The following ATF6B variants were observed in gnomAD, a reference collection of about 807,000 sequenced individuals.
The protein encoded by ATF6B is cyclic AMP-dependent transcription factor ATF-6 beta.
Under a neutral mutation model 83.5 loss-of-function variants are expected in ATF6B, and 50 were observed. That is an observed-to-expected ratio of 0.60 (90% CI 0.48 to 0.76). ATF6B has a LOEUF of 0.76. Ranked by LOEUF, ATF6B falls within the 30% of genes least tolerant of loss-of-function variation. The probability of loss-of-function intolerance (pLI) is 0.00; values close to 1 mark genes in which losing one functional copy is unlikely to be tolerated. For synonymous variants in ATF6B, 344 were observed against 362.8 expected, an observed-to-expected ratio of 0.95 and a Z score of 0.59; for missense variants, 790 against 893.8, an observed-to-expected ratio of 0.88 and a Z score of 1.48.
In ATF6B at chr6:32,115,837, G is replaced by C; in HGVS notation, c.2014C>G (p.Pro672Ala). 6.2e-7 allele frequency: 1 copy of C among 1,614,162 alleles called. No individual in the cohort carries two copies. Among genetic ancestry groups the C allele is most frequent in the Non-Finnish European group, 8.5e-7 (1 of 1,180,032 alleles). Residue 672 changes from proline (P) to alanine (A), a missense_variant, in exon 18 of 18, where the codon CCA becomes GCA. Physicochemically the swap from Pro to Ala is conservative, Grantham distance 27. Transcript: ENST00000375203. Reference sequence around the variant, plus strand: ...CCACCTGTGGCATTGCCTGGGGTTGGGGATGGCTGTTTTCGGAGCGAGGGG... The same window carrying C: ...CCACCTGTGGCATTGCCTGGGGTTGCGGATGGCTGTTTTCGGAGCGAGGGG... ...VPPSLRKQPS[P>A]TPGNATGGPL... is the part of the protein sequence containing the mutation.
At chr6:32,127,373 T>C (rs1782026816) in intron 3 of ATF6B, 69 bp downstream of exon 3, 1 of 1,524,838 alleles carries the variant, frequency 6.6e-7, no homozygotes, top group East Asian at 2.3e-5. Flanking sequence ...GGAAGCTACG[T>C]AGTTTCTGGG....
At chr6:32,126,675 A>G (rs867042460) in intron 4 of ATF6B, among the ~76,000 whole-genome samples, 10 of 152,124 alleles carry the variant, frequency 6.6e-5, no homozygotes, top group South Asian at 2.1e-4. Flanking sequence ...TCTGGGCAAC[A>G]TAGGAAGACC....
At position 32,120,860 on chromosome 6, in the gene ATF6B, G is replaced by T; in HGVS notation, c.743C>A (p.Pro248His). 6.4e-7 allele frequency: 1 copy of T among 1,567,882 alleles called. No homozygotes were observed. Among genetic ancestry groups the T allele is most frequent in the Non-Finnish European group, 8.6e-7 (1 of 1,157,806 alleles). ...PTRKPPLQPK[P>H]VVLTTVPMPS... is the part of the protein sequence containing the mutation. ...CATTGGGACAGTGGTTAGCACTACA[G>T]GTTTGGGCTGCAGTGGCGGCTTCCG... The change falls in exon 8 of 18, where the codon CCT becomes CAT. Residue 248 changes from proline (P) to histidine (H), a missense_variant. Pro to His is a moderately conservative substitution (Grantham distance 77). This residue lies in a region of ATF6B where 530 missense variants were observed against 632.6 expected (regional missense o/e 0.84). Coordinates refer to ENST00000375203, the MANE Select transcript of ATF6B (RefSeq NM_004381.5).
chr6:32,116,915 A>C lies in ATF6B; in HGVS notation c.1686-100T>G. 1 of 1,524,840 alleles carries C rather than the reference A, an allele frequency of 6.6e-7. No individual in the cohort carries two copies. Among genetic ancestry groups the C allele is most frequent in the East Asian group, 2.3e-5 (1 of 44,174 alleles). The allele number at this position is 1,524,840 out of a possible 1,614,324, so 94.5% of individuals were successfully genotyped here. A position where few individuals can be genotyped will look rare whatever the true frequency, so the allele number is the denominator to read the frequency against. On this transcript the variant is annotated intron_variant, in intron 15 of 17. Coordinates refer to ENST00000375203, the MANE Select transcript of ATF6B (RefSeq NM_004381.5). The surrounding 1 kb of genome is among the most constrained non-coding windows in gnomAD (Gnocchi z 5.1). The stretch of plus-strand genomic sequence containing the variant: ...TGAGAGAAAAAGACAGGAGACCCCC[A>C]GTGGAGGAGGGAGGTATAATCCCAC...
intron 5 of ATF6B, among the ~76,000 whole-genome samples, chr6:32,124,228 T>C (rs1367598643): frequency 6.6e-6 from 1 of 152,004 alleles, no homozygotes; most frequent in Non-Finnish European, 1.5e-5. Context: ...AATCAACATG[T>C]CCAACGCTGA....
Position 32,117,830 on chromosome 6 carries a change from G to T in ATF6B, c.1424+29C>A. The stretch of plus-strand genomic sequence containing the variant: ...AGAAGACCAACTCATACCCTCAAAC[G>T]AGAGGGGGCCCTCTCTCTCTCTCCT... On this transcript the variant is annotated intron_variant, in intron 12 of 17. Coordinates refer to ENST00000375203, the MANE Select transcript of ATF6B (RefSeq NM_004381.5). The surrounding 1 kb of genome is among the most constrained non-coding windows in gnomAD (Gnocchi z 5.0). 6.4e-7 allele frequency: 1 copy of T among 1,556,394 alleles called. No homozygotes were observed. Among genetic ancestry groups the T allele is most frequent in the Non-Finnish European group, 8.7e-7 (1 of 1,153,864 alleles).
At position 32,115,740 on chromosome 6, in the gene ATF6B, C is replaced by A. The variant is rs1781498246; in HGVS notation, c.2111G>T (p.Ter704LeuextTer8). 11 of 1,594,254 alleles carry A rather than the reference C, an allele frequency of 6.9e-6. No individual in the cohort carries two copies. Among genetic ancestry groups the A allele is most frequent in the Non-Finnish European group, 9.4e-6 (11 of 1,169,732 alleles). Residue 704 changes from the stop codon to leucine, a stop_lost, in exon 18 of 18, where the codon TGA (stop) becomes TTA (leucine). Transcript: ENST00000375203. ...CTAAGTCAGTGTGAATGGCAGAGGT[C>A]AGGGATGATTGAGGTAGAGGGGCTG... is the stretch of plus-strand genomic sequence containing the variant. ...SHQPLYLNHP[*>L] is the part of the protein sequence containing the mutation.
At position 32,117,806 on chromosome 6, in the gene ATF6B, G is replaced by A; in HGVS notation, c.1424+53C>T. Reference sequence around the variant, plus strand: ...GGGTCCCCCTCACTGAAAGCGGGGAGAAGACCAACTCATACCCTCAAACGA... The same window carrying A: ...GGGTCCCCCTCACTGAAAGCGGGGAAAAGACCAACTCATACCCTCAAACGA... On this transcript the variant is annotated intron_variant, in intron 12 of 17. Coordinates refer to ENST00000375203, the MANE Select transcript of ATF6B (RefSeq NM_004381.5). This position sits in a 1 kb window ranked among gnomAD's most constrained non-coding sequence, Gnocchi z 5.0. 1 of 1,566,132 alleles carries A rather than the reference G, an allele frequency of 6.4e-7. No individual in the cohort carries two copies. Among genetic ancestry groups the A allele is most frequent in the South Asian group, 1.2e-5 (1 of 84,622 alleles).
Position 32,121,134 on chromosome 6 carries a change from G to T in ATF6B, c.565-10C>A. The T allele has an allele frequency of 6.3e-7, 1 of 1,595,884 alleles. No homozygotes were observed. Among genetic ancestry groups the T allele is most frequent in the Non-Finnish European group, 8.5e-7 (1 of 1,170,596 alleles). ...CCTCTCCTATAAAAGCCTATGTGGG[G>T]CATTCCAGAGATACATTAGTCAGGA... On this transcript the variant is annotated splice_polypyrimidine_tract_variant and intron_variant, in intron 6 of 17. Coordinates refer to ENST00000375203, the MANE Select transcript of ATF6B (RefSeq NM_004381.5).
rs897601611 is a variant in ATF6B at position 32,127,269 on chromosome 6, G to A, written c.251-75C>T. 1.1e-4 allele frequency: 152 copies of A among 1,423,838 alleles called. 1 individual carries two copies. In the Middle Eastern group the frequency reaches 1.6e-3, roughly 15 times the overall value. The allele number at this position is 1,423,838 out of a possible 1,614,324, so 88.2% of individuals were successfully genotyped here. A position where few individuals can be genotyped will look rare whatever the true frequency, so the allele number is the denominator to read the frequency against. On this transcript the variant is annotated intron_variant, in intron 3 of 17. Transcript: ENST00000375203. Reference sequence around the variant, plus strand: ...TCCAAAAAGTACCCAAGGACATGTCGGTGGGGATTCCTGTACCGCAGCAAG... The same window carrying A: ...TCCAAAAAGTACCCAAGGACATGTCAGTGGGGATTCCTGTACCGCAGCAAG...
Position 32,117,452 on chromosome 6 carries a change from C to A in ATF6B, c.1533-48G>T. 1 of 1,607,230 alleles carries A rather than the reference C, an allele frequency of 6.2e-7. No homozygotes were observed. Among genetic ancestry groups the A allele is most frequent in the East Asian group, 2.2e-5 (1 of 44,762 alleles). ...GACCTCCATGCCAGGCCAAGATTCC[C>A]ACCCTCCTTGCCCACCCACAGGAGT... On this transcript the variant is annotated intron_variant, in intron 13 of 17. Coordinates refer to ENST00000375203, the MANE Select transcript of ATF6B (RefSeq NM_004381.5). The surrounding 1 kb of genome is among the most constrained non-coding windows in gnomAD (Gnocchi z 5.0).
chr6:32,120,834 G>T lies in ATF6B; in HGVS notation c.769C>A (p.Pro257Thr). Residue 257 changes from proline (P) to threonine (T), a missense_variant, in exon 8 of 18, where the codon CCA becomes ACA. Pro to Thr is a conservative substitution (Grantham distance 38, BLOSUM62 -1). Transcript: ENST00000375203. ...GTGCTGGGAGGCACAGCTCTGGATG[G>T]CATTGGGACAGTGGTTAGCACTACA... ...KPVVLTTVPMPSRAVPPSTTV... is the reference protein window; with the variant it reads ...KPVVLTTVPMTSRAVPPSTTV... 6.2e-7 allele frequency: 1 copy of T among 1,605,926 alleles called. No homozygotes were observed. Among genetic ancestry groups the T allele is most frequent in the Non-Finnish European group, 8.5e-7 (1 of 1,175,750 alleles).
chr6:32,116,002 G>T lies in ATF6B; in HGVS notation c.1883-34C>A. On this transcript the variant is annotated intron_variant, in intron 17 of 17. Transcript: ENST00000375203. This position sits in a 1 kb window ranked among gnomAD's most constrained non-coding sequence, Gnocchi z 5.1. ...AGGGGAGAGTTAAGGAAGAGGAGAT[G>T]GGGAGGCAAACAGGGATTGCAGGGA... is the stretch of plus-strand genomic sequence containing the variant. 1 of 1,558,748 alleles carries T rather than the reference G, an allele frequency of 6.4e-7. No individual in the cohort carries two copies. The highest frequency in any genetic ancestry group is 1.7e-5 in the Admixed American group (1 of 58,270).
chr6:32,124,115 G>C (rs1781872485), intron 5 of ATF6B, among the ~76,000 whole-genome samples: 1 of 152,076 alleles, frequency 6.6e-6, no homozygotes, highest in Non-Finnish European at 1.5e-5. Context: ...CAGGAGAATC[G>C]CTTGAACCCA....
intron 3 of ATF6B, 47 bp downstream of exon 3, chr6:32,127,392 GGAA>G (rs1561771693): frequency 6.4e-7 from 1 of 1,568,472 alleles, no homozygotes; most frequent in Non-Finnish European, 8.7e-7. Flanking sequence ...GGAAACAGTG[GGAA>G]GATGAGGGTT....
Position 32,116,110 on chromosome 6 carries a change from T to A in ATF6B, c.1883-142A>T. ...TGAGGAGGCAGATCCATAGCGGGAG[T>A]TAAACAGGATGGCAGGGACAGAGTT... On this transcript the variant is annotated intron_variant, in intron 17 of 17. Transcript: ENST00000375203. The surrounding 1 kb of genome is among the most constrained non-coding windows in gnomAD (Gnocchi z 5.1). 1.5e-6 allele frequency: 1 copy of A among 653,570 alleles called. No individual in the cohort carries two copies. Among genetic ancestry groups the A allele is most frequent in the South Asian group, 2.0e-5 (1 of 51,192 alleles). 40.5% of individuals were successfully genotyped at this position (653,570 alleles called of 1,614,324 possible). A position where few individuals can be genotyped will look rare whatever the true frequency, so the allele number is the denominator to read the frequency against.
At chr6:32,128,029 G>A (rs1782061480) in intron 1 of ATF6B, 88 bp downstream of exon 1, 1 of 1,495,934 alleles carries the variant, frequency 6.7e-7, no homozygotes, top group Non-Finnish European at 9.2e-7. Flanking sequence ...TTCCGTATTT[G>A]CCCAGACTTC....
Position 32,126,031 on chromosome 6 carries a change from T to A in ATF6B, c.478+86A>T. 4 of 1,496,556 alleles carry A rather than the reference T, an allele frequency of 2.7e-6. No homozygotes were observed. In the South Asian group the frequency reaches 5.3e-5, roughly 20 times the overall value. 92.7% of individuals were successfully genotyped at this position (1,496,556 alleles called of 1,614,324 possible). A position where few individuals can be genotyped will look rare whatever the true frequency, so the allele number is the denominator to read the frequency against. On this transcript the variant is annotated intron_variant, in intron 5 of 17. Coordinates refer to ENST00000375203, the MANE Select transcript of ATF6B (RefSeq NM_004381.5). Reference sequence around the variant, plus strand: ...TTCTCCCTGTCCTGCTGCCTGCACTTCCCCTCCATCTACACACATACACAC... The same window carrying A: ...TTCTCCCTGTCCTGCTGCCTGCACTACCCCTCCATCTACACACATACACAC...
rs1562901049 is a variant in ATF6B, at chr6:32,115,938, T to TC, written c.1912dup (p.Asp638GlyfsTer3). ...CTCGATCTGCATCATCTCCTCATAG[T>TC]CCCCCGGGGCCCCACGGCCTGACAG... is the stretch of plus-strand genomic sequence containing the variant. On this transcript the variant is annotated frameshift_variant, in exon 18 of 18. Transcript: ENST00000375203. LOFTEE classifies it high-confidence loss of function. 1 of 1,613,270 alleles carries TC rather than the reference T, an allele frequency of 6.2e-7. No homozygotes were observed. The highest frequency in any genetic ancestry group is 1.1e-5 in the South Asian group (1 of 90,970).
Sources: gnomAD v4.1 joint callset for allele counts (sites outside exome capture counted in the v4.1 genomes callset) on GRCh38, gnomAD v4.1.1 for gene constraint, gnomAD v4.1.1 regional missense constraint, Gnocchi (gnomAD v3.1) non-coding constraint, MANE v1.5 for transcripts, NCBI Gene and HGNC (gene_info 2026-07-23, HGNC 2026-07-21) for gene names.